GPC6: variants seen among roughly 807,000 people sequenced by gnomAD.
GPC6 encodes glypican-6.
In GPC6, 14 loss-of-function variants were observed where a neutral mutation model predicts 55.2. The observed-to-expected ratio is 0.25, with a 90% confidence interval of 0.17 to 0.40. The LOEUF is 0.40. GPC6 is among the 10% of genes least tolerant of loss of function. GPC6 has a pLI of 1.00. For synonymous variants in GPC6, 278 were observed against 259.6 expected (o/e 1.07, Z -0.68); for missense variants, 641 against 708.5 (o/e 0.90, Z 1.08).
chr13:93,483,115 G>A (rs1430455808), intron 1 of GPC6, among the ~76,000 whole-genome samples: 2 of 152,062 alleles, frequency 1.3e-5, no homozygotes, highest in Non-Finnish European at 2.9e-5. Flanking sequence ...ACTGGCAATT[G>A]TTTTATTAAA....
intron 2 of GPC6, among the ~76,000 whole-genome samples, chr13:93,799,991 A>T (rs944478219): frequency 6.8e-6 from 1 of 147,992 alleles, no homozygotes; most frequent in Non-Finnish European, 1.5e-5. Flanking sequence ...GACAGACATC[A>T]TCCTTCAACT....
chr13:93,885,954 G>A (rs959012543), intron 3 of GPC6, among the ~76,000 whole-genome samples: 2 of 152,020 alleles, frequency 1.3e-5, no homozygotes, highest in African/African-American at 4.8e-5. Flanking sequence ...TTTGCTTTTA[G>A]TCGTGAGAAA....
chr13:94,027,986 C>A, intron 4 of GPC6, 92 bp downstream of exon 4: 1 of 1,146,794 alleles, frequency 8.7e-7, no homozygotes, highest in Non-Finnish European at 1.3e-6. Flanking sequence ...TATAAGAAAC[C>A]AGACACAGTG....
rs186717388 is a variant in GPC6, at chr13:94,383,737, G to T, written c.1289+1187G>T. On this transcript the variant is annotated intron_variant, in intron 7 of 8. Coordinates refer to ENST00000377047, the MANE Select transcript of GPC6 (RefSeq NM_005708.5). ...TGTTGCTTTATTAGTCCATTCTCAT[G>T]CTGCTATAAAGAACTTCCCTGAGAC... is the stretch of plus-strand genomic sequence containing the variant. Among the ~76,000 whole-genome samples, 822 of 152,288 alleles carry T rather than the reference G, an allele frequency of 5.4e-3. 16 individuals are homozygous for T. In the East Asian group the frequency reaches 0.07, roughly 13 times the overall value.
chr13:94,319,537 G>T (rs115779625), intron 6 of GPC6, among the ~76,000 whole-genome samples: 4 of 152,106 alleles, frequency 2.6e-5, no homozygotes, highest in African/African-American at 9.7e-5. Context: ...TTCCTTTTGC[G>T]TAAAACCATC....
chr13:93,668,105 T>C (rs1881219540), intron 2 of GPC6, among the ~76,000 whole-genome samples: 1 of 152,210 alleles, frequency 6.6e-6, no homozygotes, highest in Admixed American at 6.5e-5. Context: ...ATGAGAAAGC[T>C]CTGTGGCCCT....
intron 4 of GPC6, among the ~76,000 whole-genome samples, chr13:94,070,119 C>T (rs1343858189): frequency 6.6e-6 from 1 of 152,164 alleles, no homozygotes; most frequent in African/African-American, 2.4e-5. Flanking sequence ...AGAGGCCTCA[C>T]AATCATGGTG....
intron 1 of GPC6, among the ~76,000 whole-genome samples, chr13:93,384,826 CTG>C (rs1193324728): frequency 6.6e-6 from 1 of 152,174 alleles, no homozygotes; most frequent in Non-Finnish European, 1.5e-5. Context: ...TTTAGAAAAA[CTG>C]TCTTTTTTCA....
chr13:94,243,268 A>G (rs930541168), intron 4 of GPC6, among the ~76,000 whole-genome samples: 5 of 152,128 alleles, frequency 3.3e-5, no homozygotes, highest in Non-Finnish European at 7.4e-5. Context: ...AACAGGCCTT[A>G]CATCTACAAA....
At chr13:93,976,848 T>A (rs752583591) in intron 3 of GPC6, among the ~76,000 whole-genome samples, 2 of 151,978 alleles carry the variant, frequency 1.3e-5, no homozygotes, top group Non-Finnish European at 2.9e-5. Context: ...TCCTAATTAC[T>A]TAGAATTAAC....
At chr13:94,144,986 C>A (rs61962340) in intron 4 of GPC6, among the ~76,000 whole-genome samples, 1 of 151,876 alleles carries the variant, frequency 6.6e-6, no homozygotes, top group Non-Finnish European at 1.5e-5. Flanking sequence ...GACCTTATTG[C>A]TTATGGGCAA....
At chr13:93,376,702 T>C in intron 1 of GPC6, among the ~76,000 whole-genome samples, 1 of 152,182 alleles carries the variant, frequency 6.6e-6, no homozygotes, top group East Asian at 1.9e-4. Flanking sequence ...TTAGTAACTA[T>C]ATGAAAACTT....
At chr13:94,361,492 TAC>T (rs1179311981) in intron 6 of GPC6, among the ~76,000 whole-genome samples, 2 of 152,278 alleles carry the variant, frequency 1.3e-5, no homozygotes, top group African/African-American at 4.8e-5. Context: ...CAGTTCTTTA[TAC>T]ACAGTAGGTT....
chr13:94,178,058 G>A (rs896608694), intron 4 of GPC6, among the ~76,000 whole-genome samples: 2 of 135,020 alleles, frequency 1.5e-5, no homozygotes, highest in Non-Finnish European at 3.1e-5. Context: ...TCAGTCTGTC[G>A]CCCAGGCTGG....
At chr13:93,869,074 A>T (rs1005484162) in intron 3 of GPC6, among the ~76,000 whole-genome samples, 2 of 151,850 alleles carry the variant, frequency 1.3e-5, no homozygotes, top group Admixed American at 6.6e-5. Flanking sequence ...CGTGCTACTA[A>T]GTAATGTAGC....
At chr13:93,289,101 T>C (rs771989431) in intron 1 of GPC6, among the ~76,000 whole-genome samples, 2 of 152,174 alleles carry the variant, frequency 1.3e-5, no homozygotes, top group African/African-American at 2.4e-5. Flanking sequence ...CAGATAGGGA[T>C]GTTATACTGA....
intron 2 of GPC6, among the ~76,000 whole-genome samples, chr13:93,665,099 T>A (rs1375295876): frequency 6.6e-6 from 1 of 152,212 alleles, no homozygotes; most frequent in African/African-American, 2.4e-5. Flanking sequence ...CCAGAAATTC[T>A]ACTTTAGGAA....
intron 1 of GPC6, among the ~76,000 whole-genome samples, chr13:93,540,732 T>G (rs189091032): frequency 3.1e-4 from 47 of 152,260 alleles, no homozygotes; most frequent in Non-Finnish European, 4.0e-4. Flanking sequence ...ATGTAATATA[T>G]TATCGTTAAC....
intron 2 of GPC6, among the ~76,000 whole-genome samples, chr13:93,592,256 C>T (rs904550445): frequency 6.6e-6 from 1 of 151,464 alleles, no homozygotes; most frequent in African/African-American, 2.4e-5. Context: ...ACGATCTTAG[C>T]TCACTGAAAC....
Sources: gnomAD v4.1 joint callset for allele counts (sites outside exome capture counted in the v4.1 genomes callset) on GRCh38, gnomAD v4.1.1 for gene constraint, MANE v1.5 for transcripts, NCBI Gene and HGNC (gene_info 2026-07-23, HGNC 2026-07-21) for gene names.